PHACTR1: variants seen among roughly 807,000 people sequenced by gnomAD.
PHACTR1 encodes the protein phosphatase and actin regulator 1, also known as RPEL repeat containing 1.
PHACTR1 carries 16 observed loss-of-function variants against 69.2 expected under a neutral mutation model. The observed-to-expected ratio is 0.23, with a 90% CI of 0.16 to 0.35. The LOEUF (loss-of-function observed/expected upper bound fraction) is 0.35. Among genes scored for constraint, PHACTR1 ranks in the 10% least tolerant of loss-of-function variants. The pLI is 1.00. For synonymous variants in PHACTR1, 312 were observed against 284.5 expected (o/e 1.10, Z -0.97); for missense variants, 510 against 734.7 (o/e 0.69, Z 3.54).
chr6:13,256,790 C>T (rs1353414199), intron 10 of PHACTR1, among the ~76,000 whole-genome samples: 2 of 151,036 alleles, frequency 1.3e-5, no homozygotes. Flanking sequence ...CTTCACTGTC[C>T]ATATCACTTT....
At chr6:13,217,614 C>T (rs980638471) in intron 8 of PHACTR1, among the ~76,000 whole-genome samples, 3 of 151,552 alleles carry the variant, frequency 2.0e-5, no homozygotes, top group African/African-American at 7.3e-5. Flanking sequence ...TCCATTACCA[C>T]TGCTGAAAAA....
chr6:13,119,212 TCCAGAACAATAC>T (rs1818310067), intron 5 of PHACTR1, among the ~76,000 whole-genome samples: 1 of 152,200 alleles, frequency 6.6e-6, no homozygotes, highest in Non-Finnish European at 1.5e-5. Context: ...AAGCTTCTCT[TCCAGAACAATAC>T]CCAAACAGAG....
At chr6:13,018,291 A>G (rs1800465974) in intron 4 of PHACTR1, among the ~76,000 whole-genome samples, 1 of 152,152 alleles carries the variant, frequency 6.6e-6, no homozygotes, top group African/African-American at 2.4e-5. Flanking sequence ...CAGGGCTGCT[A>G]ACAGAACCTG....
chr6:12,753,255 A>G (rs907672563), intron 4 of PHACTR1, among the ~76,000 whole-genome samples: 2 of 152,222 alleles, frequency 1.3e-5, no homozygotes, highest in African/African-American at 4.8e-5. Flanking sequence ...CATTCACTGC[A>G]TTGCAGTCAG....
chr6:13,245,385 G>A lies in PHACTR1; in HGVS notation c.1391+15192G>A, dbSNP rs202055. On this transcript the variant is annotated intron_variant, in intron 10 of 14. Transcript: ENST00000332995. This position sits in a 1 kb window ranked among gnomAD's most constrained non-coding sequence, Gnocchi z 4.1. ...ATAGACATTCTGACTGGTGTGAGAT[G>A]ATATGTGGTTTTGATTTGCATTTCT... 2.6e-5 allele frequency among the ~76,000 whole-genome samples: 4 copies of A among 152,210 alleles called. 1 individual carries two copies. Among genetic ancestry groups the A allele is most frequent in the Non-Finnish European group, 5.9e-5 (4 of 68,008 alleles).
At chr6:13,037,740 T>A (rs779025710) in intron 4 of PHACTR1, among the ~76,000 whole-genome samples, 7 of 152,198 alleles carry the variant, frequency 4.6e-5, no homozygotes, top group Non-Finnish European at 8.8e-5. Flanking sequence ...TTGATTCATC[T>A]TTAGAAGAGA....
chr6:13,111,505 CT>C (rs1238378001), intron 5 of PHACTR1, among the ~76,000 whole-genome samples: 3 of 152,070 alleles, frequency 2.0e-5, no homozygotes, highest in Non-Finnish European at 4.4e-5. Flanking sequence ...TGTCGCACAC[CT>C]CATTGTTTTA....
At chr6:12,804,372 C>T (rs752996210) in intron 4 of PHACTR1, among the ~76,000 whole-genome samples, 1 of 151,028 alleles carries the variant, frequency 6.6e-6, no homozygotes, top group Non-Finnish European at 1.5e-5. Context: ...TTCTTTCTTA[C>T]TTGGAATGGC....
chr6:13,146,728 A>G (rs918123561), intron 5 of PHACTR1, among the ~76,000 whole-genome samples: 7 of 152,210 alleles, frequency 4.6e-5, no homozygotes, highest in African/African-American at 1.7e-4. Context: ...TCTATCATAA[A>G]GCGATCAATA....
intron 4 of PHACTR1, chr6:12,933,662 G>C (rs769661172): frequency 6.2e-7 from 1 of 1,612,768 alleles, no homozygotes; most frequent in Middle Eastern, 1.7e-4. Flanking sequence ...TATGGATGAA[G>C]CAAGAATGGG....
rs1297407781 is a variant in PHACTR1, at chr6:13,064,592, ATATATATATATATCTATATATC to A, written c.415+11067_415+11088del. Among the ~76,000 whole-genome samples the A allele has an allele frequency of 6.4e-3, 52 of 8,130 alleles. 6 individuals are homozygous for A. The highest frequency in any genetic ancestry group is 7.8e-3 in the African/African-American group (12 of 1,536). The allele number at this position is 8,130 out of a possible 152,430, so 5.3% of individuals were successfully genotyped here. On this transcript the variant is annotated intron_variant, in intron 5 of 14. Coordinates refer to ENST00000332995, the MANE Select transcript of PHACTR1 (RefSeq NM_030948.6). ...TATATATATATATATATATATATAT[ATATATATATATATCTATATATC>A]TATCTATCCACACTTGCCAGACTAT...
chr6:12,811,143 G>A (rs567926163), intron 4 of PHACTR1, among the ~76,000 whole-genome samples: 6 of 152,276 alleles, frequency 3.9e-5, no homozygotes, highest in East Asian at 3.9e-4. Flanking sequence ...AAGATGCTCC[G>A]TTGGCTTGTT....
rs1762317398 is a variant in PHACTR1, at chr6:13,182,555, T to C, written c.533T>C (p.Leu178Pro). 1.9e-6 allele frequency: 3 copies of C among 1,613,738 alleles called. No individual in the cohort carries two copies. Among genetic ancestry groups the C allele is most frequent in the African/African-American group, 2.7e-5 (2 of 74,910 alleles). ...ELSISNEEDS[L>P]ENGQSLSSSQ... Reference sequence around the variant, plus strand: ...TCTATATCCAATGAAGAGGACTCCCTAGAAAATGGGCAGTCCCTGAGCTCC... The same window carrying C: ...TCTATATCCAATGAAGAGGACTCCCCAGAAAATGGGCAGTCCCTGAGCTCC... The change falls in exon 7 of 15, where the codon CTA (leucine) becomes CCA (proline). Residue 178 changes from leucine (L) to proline (P), a missense_variant. This residue lies in a region of PHACTR1 where 419 missense variants were observed against 530.9 expected (regional missense o/e 0.79). Coordinates refer to ENST00000332995, the MANE Select transcript of PHACTR1 (RefSeq NM_030948.6).
intron 4 of PHACTR1, among the ~76,000 whole-genome samples, chr6:13,007,277 G>A (rs549052462): frequency 2.5e-4 from 38 of 152,174 alleles, no homozygotes; most frequent in Non-Finnish European, 3.4e-4. Flanking sequence ...ATATCTAGAA[G>A]TGTCTAAATC....
rs182969813 is a variant in PHACTR1 at position 12,860,546 on chromosome 6, G to C, written c.250+110756G>C. Among the ~76,000 whole-genome samples, 452 of 152,162 alleles carry C rather than the reference G, an allele frequency of 3.0e-3. 2 individuals are homozygous for C. Among genetic ancestry groups the C allele is most frequent in the African/African-American group, 0.01 (425 of 41,504 alleles). On this transcript the variant is annotated intron_variant, in intron 4 of 14. Coordinates refer to ENST00000332995, the MANE Select transcript of PHACTR1 (RefSeq NM_030948.6). Reference sequence around the variant, plus strand: ...ATTGCTGGGTCAAATGGTATTTCTGGTGCTAGATCCTTGAAGAATCACCAC... The same window carrying C: ...ATTGCTGGGTCAAATGGTATTTCTGCTGCTAGATCCTTGAAGAATCACCAC...
intron 4 of PHACTR1, among the ~76,000 whole-genome samples, chr6:12,977,047 C>T (rs570406301): frequency 6.6e-6 from 1 of 152,056 alleles, no homozygotes. Context: ...CTCACTGCAA[C>T]CTCTGCCTCC....
intron 4 of PHACTR1, among the ~76,000 whole-genome samples, chr6:12,845,967 C>A (rs1366307809): frequency 1.3e-5 from 2 of 152,198 alleles, no homozygotes; most frequent in African/African-American, 4.8e-5. Context: ...AATTCCTAAA[C>A]CAAGCCAGCA....
intron 5 of PHACTR1, among the ~76,000 whole-genome samples, chr6:13,067,244 T>A (rs1808791583): frequency 6.6e-6 from 1 of 152,196 alleles, no homozygotes; most frequent in African/African-American, 2.4e-5. Flanking sequence ...TAACTTCACT[T>A]GACAGGTGAG....
chr6:13,170,913 T>A (rs1760512692), intron 6 of PHACTR1, among the ~76,000 whole-genome samples: 1 of 152,318 alleles, frequency 6.6e-6, no homozygotes, highest in Admixed American at 6.5e-5. Context: ...GTGATCCTCC[T>A]AGAGTCTCTG....
Sources: allele counts gnomAD v4.1 joint callset (sites outside exome capture counted in the v4.1 genomes callset), GRCh38; gene constraint gnomAD v4.1.1; regional missense constraint gnomAD v4.1.1; non-coding constraint Gnocchi (gnomAD v3.1); transcripts MANE v1.5; gene names NCBI Gene and HGNC (gene_info 2026-07-23, HGNC 2026-07-21).